Variants in COLEC10 observed in about 807,000 individuals in gnomAD.
COLEC10 encodes collectin subfamily member 10.
COLEC10 carries 22 observed loss-of-function variants against 28.4 expected under a neutral mutation model. That is an observed-to-expected ratio of 0.78 (90% CI 0.55 to 1.11). The LOEUF is 1.11. Among genes scored for constraint, COLEC10 ranks in the 50% least tolerant of loss-of-function variants. The probability of loss-of-function intolerance (pLI) is 0.00; values close to 1 mark genes in which losing one functional copy is unlikely to be tolerated. For synonymous variants in COLEC10, 125 were observed against 116.1 expected (o/e 1.08, Z -0.49); for missense variants, 361 against 344.1 (o/e 1.05, Z -0.39).
chr8:118,961,181 A>G, the COLEC10 span, among the ~76,000 whole-genome samples: 1 of 152,200 alleles, frequency 6.6e-6, no homozygotes, highest in African/African-American at 2.4e-5. Flanking sequence ...GTGATAAGGA[A>G]ACTAAAACTC....
intron 2 of COLEC10, among the ~76,000 whole-genome samples, chr8:119,057,991 T>C (rs1397837482): frequency 1.3e-5 from 2 of 152,040 alleles, no homozygotes; most frequent in African/African-American, 4.8e-5. Flanking sequence ...GTATCTATAT[T>C]AATATTTTTC....
chr8:119,033,327 C>T (rs1272272868), intron 2 of COLEC10, among the ~76,000 whole-genome samples: 5 of 150,604 alleles, frequency 3.3e-5, no homozygotes, highest in Non-Finnish European at 5.9e-5. Flanking sequence ...CCATTAAGGA[C>T]GTAGGCATGG....
At chr8:118,979,409 C>G in the COLEC10 span, among the ~76,000 whole-genome samples, 646 of 151,768 alleles carry the variant, frequency 4.3e-3, 10 homozygotes, top group African/African-American at 0.015. Context: ...TAGAAAGTGA[C>G]TATTATAGAT....
chr8:118,997,178 C>T (rs1391895381), intron 1 of COLEC10, among the ~76,000 whole-genome samples: 1 of 152,212 alleles, frequency 6.6e-6, no homozygotes. Context: ...TATTGAATCA[C>T]ATGAGTTCCT....
At chr8:118,984,343 G>T in the COLEC10 span, among the ~76,000 whole-genome samples, 1 of 152,098 alleles carries the variant, frequency 6.6e-6, no homozygotes. Flanking sequence ...AGGGTACAGG[G>T]TGGGAGAAGG....
rs879676288 is a variant in COLEC10 at position 119,045,448 on chromosome 8, A to ATTAGATAT, written n.235+35895_235+35896insTTAGATAT. Among the ~76,000 whole-genome samples the ATTAGATAT allele has an allele frequency of 3.9e-3, 596 of 152,360 alleles. 5 individuals are homozygous for ATTAGATAT. The highest frequency in any genetic ancestry group is 6.4e-3 in the Non-Finnish European group (437 of 68,028). On this transcript the variant is annotated intron_variant and non_coding_transcript_variant, in intron 2 of 6. Coordinates refer to the COLEC10 transcript ENST00000521788. ...CATACTGACAATAGAGAAAGCTGAAACAATGGGATTAGATATGGTATAACT... is the reference window on the plus strand; with the variant it reads ...CATACTGACAATAGAGAAAGCTGAAATTAGATATCAATGGGATTAGATATGGTATAACT...
At chr8:119,092,695 C>T (rs1815632144) in intron 3 of COLEC10, among the ~76,000 whole-genome samples, 1 of 152,114 alleles carries the variant, frequency 6.6e-6, no homozygotes, top group South Asian at 2.1e-4. Context: ...CACCTGAGGT[C>T]AGGAGTTTGA....
At chr8:119,033,149 G>A (rs1814322657) in intron 2 of COLEC10, among the ~76,000 whole-genome samples, 1 of 152,122 alleles carries the variant, frequency 6.6e-6, no homozygotes, top group Non-Finnish European at 1.5e-5. Context: ...GGGGCTGAAC[G>A]TAACAGCACT....
At chr8:119,094,651 G>C (rs976518681) in intron 3 of COLEC10, among the ~76,000 whole-genome samples, 1 of 152,168 alleles carries the variant, frequency 6.6e-6, no homozygotes, top group East Asian at 1.9e-4. Flanking sequence ...GCAGCCCTAA[G>C]TGGCTAAGAG....
chr8:118,996,782 C>G (rs1210673674), intron 1 of COLEC10, among the ~76,000 whole-genome samples: 1 of 152,172 alleles, frequency 6.6e-6, no homozygotes. Flanking sequence ...AGCATCTGCT[C>G]AGCTTCTAGT....
chr8:118,998,841 C>A (rs1056436036), intron 1 of COLEC10, among the ~76,000 whole-genome samples: 1 of 76,546 alleles, frequency 1.3e-5, no homozygotes. Context: ...AACGAGACTC[C>A]GTCTCAAAAA....
Position 119,025,550 on chromosome 8 carries a change from A to G in COLEC10, n.235+15997A>G, listed in dbSNP as rs182113221. Among the ~76,000 whole-genome samples, 701 of 152,242 alleles carry G rather than the reference A, an allele frequency of 4.6e-3. 5 individuals carry two copies. The highest frequency in any genetic ancestry group is 0.015 in the African/African-American group (623 of 41,558). ...AATGGCAGGGCAAGCTTTAAGAAAA[A>G]CCTTGGTCTTCAAAAAATTTTCAGT... On this transcript the variant is annotated intron_variant and non_coding_transcript_variant, in intron 2 of 6. Transcript: ENST00000521788.
At chr8:119,036,267 A>T (rs1814388250) in intron 2 of COLEC10, among the ~76,000 whole-genome samples, 1 of 152,222 alleles carries the variant, frequency 6.6e-6, no homozygotes, top group Non-Finnish European at 1.5e-5. Flanking sequence ...TTTTACACAA[A>T]CAGGTACAAA....
At chr8:119,020,367 C>A (rs1194950883) in intron 2 of COLEC10, among the ~76,000 whole-genome samples, 1 of 152,226 alleles carries the variant, frequency 6.6e-6, no homozygotes, top group Admixed American at 6.5e-5. Flanking sequence ...GCTTAGAATA[C>A]ATCAATAAAA....
At chr8:119,089,789 T>C in intron 2 of COLEC10, 38 bp downstream of exon 2, 5 of 1,540,168 alleles carry the variant, frequency 3.2e-6, no homozygotes, top group Non-Finnish European at 4.5e-6. Context: ...TTTAATATCA[T>C]AATTGTTCTT....
chr8:118,989,578 C>CACACACACACACA, the COLEC10 span, among the ~76,000 whole-genome samples: 1 of 139,184 alleles, frequency 7.2e-6, no homozygotes, highest in African/African-American at 3.2e-5. Context: ...CACACACACA[C>CACACACACACACA]CCCTACCTAC....
At chr8:119,027,191 T>C (rs926946780) in intron 2 of COLEC10, among the ~76,000 whole-genome samples, 4 of 152,180 alleles carry the variant, frequency 2.6e-5, no homozygotes, top group African/African-American at 9.7e-5. Context: ...GTTGTGTTAT[T>C]CCTTAGTCAC....
the COLEC10 span, among the ~76,000 whole-genome samples, chr8:118,968,925 T>C: frequency 6.6e-6 from 1 of 152,012 alleles, no homozygotes; most frequent in African/African-American, 2.4e-5. Context: ...GAACAAATAC[T>C]GTTCCCTCAA....
the COLEC10 span, among the ~76,000 whole-genome samples, chr8:118,969,915 A>G: frequency 6.6e-6 from 1 of 151,924 alleles, no homozygotes. Flanking sequence ...CAGGTCACTA[A>G]CCAACTGATG....
Sources: gnomAD v4.1 joint callset for allele counts (sites outside exome capture counted in the v4.1 genomes callset) on GRCh38, gnomAD v4.1.1 for gene constraint, MANE v1.5 for transcripts, NCBI Gene and HGNC (gene_info 2026-07-23, HGNC 2026-07-21) for gene names.